The following ASAP2 variants were observed in gnomAD, a reference collection of about 807,000 sequenced individuals.
ASAP2 encodes ArfGAP with SH3 domain, ankyrin repeat and PH domain 2, also known as arf-GAP with SH3 domain, ANK repeat and PH domain-containing protein 2.
ASAP2 carries 45 observed loss-of-function variants against 131.4 expected under a neutral mutation model. The ratio of observed to expected loss-of-function variants is 0.34; its 90% CI spans 0.27 to 0.44. The LOEUF is 0.44. Ranked by LOEUF, ASAP2 falls within the 20% of genes least tolerant of loss-of-function variation. The probability of loss-of-function intolerance (pLI) is 1.00; values close to 1 mark genes in which losing one functional copy is unlikely to be tolerated. For synonymous variants in ASAP2, 510 were observed against 503.0 expected, an observed-to-expected ratio of 1.01 and a Z score of -0.19; for missense variants, 1,011 against 1,297.0, an observed-to-expected ratio of 0.78 and a Z score of 3.39.
chr2:9,380,181 A>AGTTTTTGTTTTTGTTTTT (rs199921712), intron 19 of ASAP2, among the ~76,000 whole-genome samples: 3 of 151,820 alleles, frequency 2.0e-5, no homozygotes, highest in Admixed American at 1.3e-4. Flanking sequence ...CTGCTTCAAC[A>AGTTTTTGTTTTTGTTTTT]GTTTTTGTTT....
intron 9 of ASAP2, among the ~76,000 whole-genome samples, chr2:9,338,339 C>T (rs1160213559): frequency 6.6e-6 from 1 of 151,100 alleles, no homozygotes; most frequent in Non-Finnish European, 1.5e-5. Context: ...CTCTCTCTGT[C>T]TGTCTCTATC....
intron 7 of ASAP2, among the ~76,000 whole-genome samples, chr2:9,333,676 T>C (rs978359047): frequency 9.2e-5 from 14 of 152,166 alleles, no homozygotes; most frequent in African/African-American, 2.9e-4. Flanking sequence ...ATGGTGTGGA[T>C]TGAGGCTGGA....
intron 3 of ASAP2, among the ~76,000 whole-genome samples, chr2:9,303,383 G>A (rs1572395946): frequency 1.3e-5 from 2 of 152,198 alleles, no homozygotes; most frequent in East Asian, 3.9e-4. Flanking sequence ...TCAGTGCTTG[G>A]GTGCCTCTAA....
At chr2:9,335,439 A>G (rs1660364889) in intron 9 of ASAP2, among the ~76,000 whole-genome samples, 1 of 152,166 alleles carries the variant, frequency 6.6e-6, no homozygotes, top group Non-Finnish European at 1.5e-5. Context: ...CAGTTGCTAG[A>G]TAAGGAGCTC....
At chr2:9,368,292 C>T in intron 15 of ASAP2, 133 bp from the exon 16 acceptor site, 1 of 786,900 alleles carries the variant, frequency 1.3e-6, no homozygotes. Context: ...TGTCCATCTT[C>T]ATTAAAGGCA....
intron 14 of ASAP2, 115 bp from the exon 15 acceptor site, chr2:9,358,641 A>T (rs1672872185): frequency 1.5e-6 from 2 of 1,313,516 alleles, no homozygotes; most frequent in Non-Finnish European, 2.1e-6. Flanking sequence ...TGTGTTAAGG[A>T]TCAGAAAATG....
chr2:9,382,186 A>G, intron 20 of ASAP2, among the ~76,000 whole-genome samples: 1 of 151,970 alleles, frequency 6.6e-6, no homozygotes, highest in East Asian at 1.9e-4. Context: ...GTTTCACCAT[A>G]TTGGTCAGGC....
At chr2:9,286,450 A>T (rs573810370) in intron 2 of ASAP2, among the ~76,000 whole-genome samples, 1 of 149,926 alleles carries the variant, frequency 6.7e-6, no homozygotes, top group South Asian at 2.1e-4. Flanking sequence ...AAAAAAAAAT[A>T]TATATATATA....
intron 1 of ASAP2, among the ~76,000 whole-genome samples, chr2:9,266,632 G>A (rs991921636): frequency 1.3e-5 from 2 of 152,234 alleles, no homozygotes; most frequent in East Asian, 1.9e-4. Context: ...CCACCACCCC[G>A]TTCTAGTCAA....
chr2:9,216,177 G>A (rs1002769892), intron 1 of ASAP2, among the ~76,000 whole-genome samples: 3 of 152,108 alleles, frequency 2.0e-5, no homozygotes, highest in Non-Finnish European at 4.4e-5. Context: ...GGGAGACTTT[G>A]CAGTGTGTGT....
At position 9,389,971 on chromosome 2, in the gene ASAP2, AT is replaced by A. The variant is rs1360178681; in HGVS notation, c.2384-1087del. 6.6e-6 allele frequency among the ~76,000 whole-genome samples: 1 copy of A among 152,068 alleles called. No homozygotes were observed. Among genetic ancestry groups the A allele is most frequent in the African/African-American group, 2.4e-5 (1 of 41,382 alleles). On this transcript the variant is annotated intron_variant, in intron 22 of 27. Coordinates refer to ENST00000281419, the MANE Select transcript of ASAP2 (RefSeq NM_003887.3). This position sits in a 1 kb window ranked among gnomAD's most constrained non-coding sequence, Gnocchi z 4.7. ...TTTTCTACGGCCCACAATCAAGATG[AT>A]TTTGATCATCCTCCTTCCCAGCAGT...
chr2:9,312,045 T>C (rs946763714), intron 3 of ASAP2, among the ~76,000 whole-genome samples: 3 of 152,246 alleles, frequency 2.0e-5, no homozygotes, highest in Non-Finnish European at 4.4e-5. Context: ...TTTTATGTAT[T>C]ATAAAAATCA....
intron 15 of ASAP2, among the ~76,000 whole-genome samples, chr2:9,367,863 A>G (rs1673606049): frequency 1.3e-5 from 2 of 152,254 alleles, no homozygotes; most frequent in African/African-American, 4.8e-5. Flanking sequence ...TTAGTGTTTC[A>G]GTTTACTGTT....
intron 22 of ASAP2, 130 bp from the exon 23 acceptor site, chr2:9,390,932 A>G: frequency 7.3e-7 from 1 of 1,372,178 alleles, no homozygotes; most frequent in Non-Finnish European, 1.0e-6. Flanking sequence ...TGAGGGTTCT[A>G]GGTAGAAGGG....
chr2:9,401,941 C>T (rs1276509364), intron 27 of ASAP2, among the ~76,000 whole-genome samples: 1 of 152,220 alleles, frequency 6.6e-6, no homozygotes, highest in Non-Finnish European at 1.5e-5. Flanking sequence ...GTCACACACA[C>T]ACAGTCTGGT....
chr2:9,318,408 C>A, intron 3 of ASAP2, 116 bp from the exon 4 acceptor site: 1 of 739,452 alleles, frequency 1.4e-6, no homozygotes, highest in East Asian at 2.7e-5. Context: ...CATGCACCGG[C>A]CAGGTTTTAG....
intron 12 of ASAP2, among the ~76,000 whole-genome samples, chr2:9,354,690 A>G (rs1000054631): frequency 1.3e-5 from 2 of 151,808 alleles, no homozygotes; most frequent in Non-Finnish European, 2.9e-5. Context: ...ATGGTGTTGT[A>G]GAAAGTGGTC....
rs138861043 is a variant in ASAP2, at chr2:9,343,725, G to A, written c.850-807G>A. The stretch of plus-strand genomic sequence containing the variant: ...GTCTCCCCAGATGTTGGGATTACAG[G>A]CATAAGCCACTGCGCCCAGCCTGAT... On this transcript the variant is annotated intron_variant, in intron 9 of 27. Coordinates refer to ENST00000281419, the MANE Select transcript of ASAP2 (RefSeq NM_003887.3). Among the ~76,000 whole-genome samples, 3 of 152,328 alleles carry A rather than the reference G, an allele frequency of 2.0e-5. No homozygotes were observed. In the East Asian group the frequency reaches 5.8e-4, roughly 29 times the overall value.
In ASAP2 at chr2:9,389,891, C is replaced by G. The variant is rs1010945564; in HGVS notation, c.2384-1171C>G. Among the ~76,000 whole-genome samples, 1 of 152,180 alleles carries G rather than the reference C, an allele frequency of 6.6e-6. No homozygotes were observed. Among genetic ancestry groups the G allele is most frequent in the African/African-American group, 2.4e-5 (1 of 41,436 alleles). ...ACCCCCAGGCTGGCTGGTCGGGGCC[C>G]AGGGTGGGTGCGGCTTTCTCCCCGC... On this transcript the variant is annotated intron_variant, in intron 22 of 27. Coordinates refer to ENST00000281419, the MANE Select transcript of ASAP2 (RefSeq NM_003887.3). The surrounding 1 kb of genome is among the most constrained non-coding windows in gnomAD (Gnocchi z 4.7).
Sources: allele counts gnomAD v4.1 joint callset (sites outside exome capture counted in the v4.1 genomes callset), GRCh38; gene constraint gnomAD v4.1.1; non-coding constraint Gnocchi (gnomAD v3.1); transcripts MANE v1.5; gene names NCBI Gene and HGNC (gene_info 2026-07-23, HGNC 2026-07-21).